CDKAL1: variants seen among roughly 807,000 people sequenced by gnomAD.
CDKAL1 encodes threonylcarbamoyladenosine tRNA methylthiotransferase.
Under a neutral mutation model 68.2 loss-of-function variants are expected in CDKAL1, and 32 were observed. The ratio of observed to expected loss-of-function variants is 0.47; its 90% CI spans 0.35 to 0.63. The LOEUF (loss-of-function observed/expected upper bound fraction) is 0.63. CDKAL1 is among the 30% of genes least tolerant of loss of function. CDKAL1 has a pLI of 0.00. For synonymous variants in CDKAL1, 234 were observed against 244.3 expected, an observed-to-expected ratio of 0.96 and a Z score of 0.39; for missense variants, 606 against 696.7, an observed-to-expected ratio of 0.87 and a Z score of 1.47.
At chr6:20,816,488 C>T (rs1266591563) in intron 8 of CDKAL1, among the ~76,000 whole-genome samples, 1 of 152,106 alleles carries the variant, frequency 6.6e-6, no homozygotes, top group Non-Finnish European at 1.5e-5. Context: ...CCTGACAGTG[C>T]TTCATCATAG....
chr6:21,225,488 ACT>A (rs776231558), intron 15 of CDKAL1, among the ~76,000 whole-genome samples: 19 of 151,604 alleles, frequency 1.3e-4, no homozygotes, highest in Non-Finnish European at 2.4e-4. Flanking sequence ...TTCAAGCTAC[ACT>A]CCTGTGACGT....
At chr6:21,014,318 C>G (rs185041201) in intron 11 of CDKAL1, among the ~76,000 whole-genome samples, 32 of 152,214 alleles carry the variant, frequency 2.1e-4, no homozygotes, top group African/African-American at 7.7e-4. Context: ...CTAAAAAGTT[C>G]TCGGGCCGGG....
intron 9 of CDKAL1, among the ~76,000 whole-genome samples, chr6:20,848,767 G>T (rs961124607): frequency 1.3e-5 from 2 of 151,268 alleles, no homozygotes; most frequent in African/African-American, 4.9e-5. Context: ...TTCAGGAAAT[G>T]TGGTTGTTTT....
chr6:20,609,361 TCTTCTC>T (rs1358904055), intron 4 of CDKAL1, among the ~76,000 whole-genome samples: 3 of 130,688 alleles, frequency 2.3e-5, no homozygotes, highest in East Asian at 2.5e-4. Flanking sequence ...TCTCCTCCCT[TCTTCTC>T]CTTCTCCTTC....
At chr6:20,652,442 G>A (rs892478979) in intron 5 of CDKAL1, among the ~76,000 whole-genome samples, 1 of 152,154 alleles carries the variant, frequency 6.6e-6, no homozygotes, top group African/African-American at 2.4e-5. Flanking sequence ...TCAAGTTAAC[G>A]TGGAAGAAGT....
At chr6:20,929,273 T>TG (rs1366207544) in intron 9 of CDKAL1, among the ~76,000 whole-genome samples, 1 of 152,020 alleles carries the variant, frequency 6.6e-6, no homozygotes, top group Non-Finnish European at 1.5e-5. Flanking sequence ...TCAGTTTTTT[T>TG]GGGGACTACT....
At chr6:20,849,452 G>A (rs1032354060) in intron 9 of CDKAL1, among the ~76,000 whole-genome samples, 12 of 151,878 alleles carry the variant, frequency 7.9e-5, no homozygotes, top group African/African-American at 2.7e-4. Flanking sequence ...GCGTGGTGGC[G>A]GGTGCCTATA....
In CDKAL1 at chr6:21,205,953, A is replaced by G. The variant is rs111667728; in HGVS notation, c.1548+4679A>G. On this transcript the variant is annotated intron_variant, in intron 15 of 15. Coordinates refer to ENST00000274695, the MANE Select transcript of CDKAL1 (RefSeq NM_017774.3). The stretch of plus-strand genomic sequence containing the variant: ...GGGTTCACGCCATTCTCCTGCCTCA[A>G]CCTCCCGAATAGCTGGGACTACAGG... Among the ~76,000 whole-genome samples the G allele has an allele frequency of 4.6e-3, 627 of 136,142 alleles. 6 individuals carry two copies. Among genetic ancestry groups the G allele is most frequent in the Middle Eastern group, 0.03 (7 of 234 alleles). The allele number at this position is 136,142 out of a possible 152,430, so 89.3% of individuals were successfully genotyped here.
chr6:20,676,803 GT>G (rs1770137224), intron 5 of CDKAL1, among the ~76,000 whole-genome samples: 1 of 152,042 alleles, frequency 6.6e-6, no homozygotes, highest in South Asian at 2.1e-4. Context: ...ATCTAGTGTA[GT>G]AACATGCTGT....
At chr6:20,871,981 G>A (rs904089712) in intron 9 of CDKAL1, among the ~76,000 whole-genome samples, 5 of 152,236 alleles carry the variant, frequency 3.3e-5, no homozygotes, top group South Asian at 2.1e-4. Flanking sequence ...CCAATCTTGA[G>A]TAGATGGCCA....
chr6:20,799,146 G>A (rs900200172), intron 8 of CDKAL1, among the ~76,000 whole-genome samples: 6 of 138,666 alleles, frequency 4.3e-5, no homozygotes, highest in African/African-American at 1.6e-4. Context: ...TCTGGCTCCC[G>A]GGTTCTAGCA....
At chr6:20,602,943 C>T (rs1302228978) in intron 4 of CDKAL1, among the ~76,000 whole-genome samples, 1 of 152,074 alleles carries the variant, frequency 6.6e-6, no homozygotes, top group Non-Finnish European at 1.5e-5. Context: ...TTTTGGGTCT[C>T]CTTATTGATT....
intron 15 of CDKAL1, among the ~76,000 whole-genome samples, chr6:21,227,007 C>T (rs1308420546): frequency 6.6e-6 from 1 of 152,162 alleles, no homozygotes; most frequent in East Asian, 1.9e-4. Context: ...GCACCCAGCC[C>T]CAGTTTGTTT....
chr6:21,067,020 CTA>C (rs1037479625), intron 12 of CDKAL1, among the ~76,000 whole-genome samples: 6 of 152,202 alleles, frequency 3.9e-5, no homozygotes, highest in African/African-American at 1.4e-4. Context: ...ATAGTTCAAT[CTA>C]TTCTTTTTTT....
At chr6:20,933,988 T>TTA (rs1475491715) in intron 9 of CDKAL1, among the ~76,000 whole-genome samples, 6 of 151,716 alleles carry the variant, frequency 4.0e-5, no homozygotes, top group Admixed American at 2.0e-4. Context: ...ATTCAAGGCA[T>TTA]TATATATATA....
chr6:21,046,520 A>G (rs1770239227), intron 11 of CDKAL1, among the ~76,000 whole-genome samples: 2 of 152,262 alleles, frequency 1.3e-5, no homozygotes, highest in Non-Finnish European at 1.5e-5. Context: ...AGCCTGTCCC[A>G]GGCAGTGCTC....
chr6:20,902,083 C>T (rs576934856), intron 9 of CDKAL1, among the ~76,000 whole-genome samples: 9 of 136,588 alleles, frequency 6.6e-5, no homozygotes, highest in Admixed American at 1.5e-4. Flanking sequence ...CCACTGTCCC[C>T]CTGACTTCTA....
intron 9 of CDKAL1, among the ~76,000 whole-genome samples, chr6:20,852,077 G>A (rs1759045105): frequency 6.6e-6 from 1 of 152,098 alleles, no homozygotes; most frequent in Admixed American, 6.6e-5. Context: ...TAGGATTAAT[G>A]ATGCAATTTA....
At chr6:20,558,513 ACT>A (rs1355233333) in intron 4 of CDKAL1, 1 of 456,556 alleles carries the variant, frequency 2.2e-6, no homozygotes, top group Non-Finnish European at 4.4e-6. Flanking sequence ...AACTAGACAG[ACT>A]CTTTTTGACC....
Sources: allele counts gnomAD v4.1 joint callset (sites outside exome capture counted in the v4.1 genomes callset), GRCh38; gene constraint gnomAD v4.1.1; transcripts MANE v1.5; gene names NCBI Gene and HGNC (gene_info 2026-07-23, HGNC 2026-07-21).